The following GLIS1 variants were observed in gnomAD, a reference collection of about 807,000 sequenced individuals.
The protein encoded by GLIS1 is zinc finger protein GLIS1.
In GLIS1, 24 loss-of-function variants were observed where a neutral mutation model predicts 63.8. That is an observed-to-expected ratio of 0.38 (90% confidence interval 0.27 to 0.53). The LOEUF (loss-of-function observed/expected upper bound fraction) is 0.53. GLIS1 is among the 20% of genes least tolerant of loss of function. The pLI is 0.85. For missense variants in GLIS1, 1,036 were observed against 1,074.1 expected (o/e 0.96, Z 0.50); for synonymous variants, 450 against 482.5 (o/e 0.93, Z 0.88).
chr1:53,713,407 G>A (rs866953210), intron 2 of GLIS1, among the ~76,000 whole-genome samples: 1,775 of 146,704 alleles, frequency 0.012, no homozygotes, highest in African/African-American at 0.045. Flanking sequence ...AGACCAGCCT[G>A]GGCAACATGG....
chr1:53,535,329 C>T (rs1407359233), intron 4 of GLIS1, among the ~76,000 whole-genome samples: 2 of 152,054 alleles, frequency 1.3e-5, no homozygotes, highest in African/African-American at 4.8e-5. Flanking sequence ...AGGGCTGATG[C>T]CCTGGGTCTG....
At chr1:53,719,831 G>A (rs993031264) in intron 2 of GLIS1, among the ~76,000 whole-genome samples, 4 of 152,172 alleles carry the variant, frequency 2.6e-5, no homozygotes, top group African/African-American at 9.7e-5. Context: ...CTATGATCCA[G>A]CAATCCCACT....
At chr1:53,582,358 A>G (rs751452216) in intron 4 of GLIS1, among the ~76,000 whole-genome samples, 2 of 152,212 alleles carry the variant, frequency 1.3e-5, no homozygotes, top group Non-Finnish European at 2.9e-5. Context: ...GACATTTGAA[A>G]CTGGTTAAAG....
At chr1:53,667,769 A>G (rs1646109559) in intron 2 of GLIS1, among the ~76,000 whole-genome samples, 1 of 152,226 alleles carries the variant, frequency 6.6e-6, no homozygotes, top group African/African-American at 2.4e-5. Context: ...TGAAAGGTGC[A>G]TTAAGCCTCT....
Position 53,594,664 on chromosome 1 carries a change from G to A in GLIS1, c.764C>T (p.Pro255Leu). The A allele has an allele frequency of 1.3e-6, 2 of 1,556,238 alleles. No individual in the cohort carries two copies. Among genetic ancestry groups the A allele is most frequent in the Non-Finnish European group, 1.7e-6 (2 of 1,148,410 alleles). The change falls in exon 4 of 11, where the codon CCC becomes CTC. Residue 255 changes from proline (P) to leucine (L), a missense_variant. Physicochemically the swap from Pro to Leu is moderately conservative, Grantham distance 98. Around this residue, in one of 3 missense-constraint regions of GLIS1, gnomAD observed 592 missense variants for 593.9 expected, o/e 1.00. Transcript: ENST00000628545. The stretch of plus-strand genomic sequence containing the variant: ...GGAGGTGACGTCGGAGGAGGCACAG[G>A]GTGAGGAGGAGGCTGGGGAGGTGGG... ...LPPTSPASSS[P>L]CASSDVTSII... is the part of the protein sequence containing the mutation.
chr1:53,567,050 G>C (rs905000403), intron 4 of GLIS1, among the ~76,000 whole-genome samples: 10 of 152,232 alleles, frequency 6.6e-5, no homozygotes, highest in African/African-American at 2.4e-4. Flanking sequence ...CTCAGAAGAA[G>C]ATAGGAAGAT....
chr1:53,710,236 C>T (rs1879732), intron 2 of GLIS1, among the ~76,000 whole-genome samples: 39,000 of 152,196 alleles, frequency 0.26, 5,283 homozygotes, highest in African/African-American at 0.35. Context: ...CTGGAGGCAT[C>T]CCCCTCTAGA....
intron 2 of GLIS1, among the ~76,000 whole-genome samples, chr1:53,696,462 C>T (rs928102383): frequency 1.3e-5 from 2 of 152,206 alleles, no homozygotes; most frequent in Non-Finnish European, 2.9e-5. Context: ...ATCCACGACC[C>T]AGACCCATCT....
intron 4 of GLIS1, among the ~76,000 whole-genome samples, chr1:53,544,671 G>T (rs1389844464): frequency 1.3e-5 from 2 of 152,092 alleles, no homozygotes; most frequent in East Asian, 3.9e-4. Context: ...CCCTCTCCAG[G>T]TTCCTGTTAC....
intron 2 of GLIS1, among the ~76,000 whole-genome samples, chr1:53,642,070 C>G (rs1557497548): frequency 6.6e-6 from 1 of 152,222 alleles, no homozygotes; most frequent in East Asian, 1.9e-4. Flanking sequence ...GCTGGCCAGG[C>G]CAGGACACCT....
At chr1:53,616,148 T>C (rs888832589) in intron 2 of GLIS1, among the ~76,000 whole-genome samples, 1 of 152,186 alleles carries the variant, frequency 6.6e-6, no homozygotes, top group African/African-American at 2.4e-5. Flanking sequence ...AGTTATAAAA[T>C]TCCATGATTC....
intron 2 of GLIS1, among the ~76,000 whole-genome samples, chr1:53,619,917 T>C (rs933491813): frequency 1.3e-5 from 2 of 152,104 alleles, no homozygotes; most frequent in Admixed American, 6.5e-5. Context: ...TCCTCCAGAG[T>C]TCCCATCAGG....
chr1:53,701,998 G>GAA (rs919008620), intron 2 of GLIS1, among the ~76,000 whole-genome samples: 4,131 of 56,124 alleles, frequency 0.074, 136 homozygotes, highest in South Asian at 0.12. Flanking sequence ...ACCTAAAAAA[G>GAA]AAAAAAAAAA....
chr1:53,646,284 T>C lies in GLIS1; in HGVS notation c.260-46006A>G, dbSNP rs1645843414. On this transcript the variant is annotated intron_variant, in intron 2 of 10. Coordinates refer to ENST00000628545, the MANE Select transcript of GLIS1 (RefSeq NM_001367484.1). This position sits in a 1 kb window ranked among gnomAD's most constrained non-coding sequence, Gnocchi z 4.2. ...AATTGAAAGGAATAAATAAAACTTA[T>C]TATTCACAAGTGATAATCAGAAATC... 6.6e-6 allele frequency among the ~76,000 whole-genome samples: 1 copy of C among 152,198 alleles called. No homozygotes were observed. The highest frequency in any genetic ancestry group is 1.5e-5 in the Non-Finnish European group (1 of 68,030).
chr1:53,641,630 C>T (rs898191645), intron 2 of GLIS1, among the ~76,000 whole-genome samples: 2 of 152,038 alleles, frequency 1.3e-5, no homozygotes, highest in African/African-American at 4.8e-5. Context: ...AGATTGGGGG[C>T]CTAAGGGCAC....
At chr1:53,522,982 C>CTT (rs199828430) in intron 6 of GLIS1, among the ~76,000 whole-genome samples, 2 of 22,084 alleles carry the variant, frequency 9.1e-5, no homozygotes, top group African/African-American at 3.1e-4. Context: ...CTTTTCTTTT[C>CTT]TTTCTTTTTT....
At position 53,639,648 on chromosome 1, in the gene GLIS1, C is replaced by CT. The variant is rs541648410; in HGVS notation, c.260-39371dup. On this transcript the variant is annotated intron_variant, in intron 2 of 10. Coordinates refer to ENST00000628545, the MANE Select transcript of GLIS1 (RefSeq NM_001367484.1). The surrounding 1 kb of genome is among the most constrained non-coding windows in gnomAD (Gnocchi z 4.6). The stretch of plus-strand genomic sequence containing the variant: ...GTCTTACCTCGGAGACAGGGTGGGG[C>CT]TTTTTTTTTCCAGCCCGCTATCCTG... 1.6e-4 allele frequency among the ~76,000 whole-genome samples: 24 copies of CT among 150,996 alleles called. No homozygotes were observed. Among genetic ancestry groups the CT allele is most frequent in the African/African-American group, 4.4e-4 (18 of 41,036 alleles).
At position 53,510,372 on chromosome 1, in the gene GLIS1, C is replaced by T. The variant is rs546101195; in HGVS notation, c.1884-345G>A. ...TGTCTCTGAGCCCTGGTTTCCTGGA[C>T]GGGCTGCTGGCTCACCACCGGGCAC... On this transcript the variant is annotated intron_variant, in intron 8 of 10. Transcript: ENST00000628545. 7.2e-5 allele frequency among the ~76,000 whole-genome samples: 11 copies of T among 152,242 alleles called. No homozygotes were observed. The South Asian group carries it at 1.9e-3, about 26-fold the overall frequency.
chr1:53,548,485 C>T (rs1644727686), intron 4 of GLIS1, among the ~76,000 whole-genome samples: 1 of 152,264 alleles, frequency 6.6e-6, no homozygotes, highest in Non-Finnish European at 1.5e-5. Context: ...CGTGACAACG[C>T]TGCCATGCCA....
Sources: gnomAD v4.1 joint callset for allele counts (sites outside exome capture counted in the v4.1 genomes callset) on GRCh38, gnomAD v4.1.1 for gene constraint, gnomAD v4.1.1 regional missense constraint, Gnocchi (gnomAD v3.1) non-coding constraint, MANE v1.5 for transcripts, NCBI Gene and HGNC (gene_info 2026-07-23, HGNC 2026-07-21) for gene names.